WTIP: variants seen among roughly 807,000 people sequenced by gnomAD.
WTIP encodes the protein WT1 interacting protein.
WTIP carries 23 observed loss-of-function variants against 41.7 expected under a neutral mutation model. The ratio of observed to expected loss-of-function variants is 0.55; its 90% CI spans 0.40 to 0.78. The LOEUF (loss-of-function observed/expected upper bound fraction) is 0.78. Ranked by LOEUF, WTIP falls within the 30% of genes least tolerant of loss-of-function variation. WTIP has a pLI of 0.00. For synonymous variants in WTIP, 314 were observed against 269.9 expected (o/e 1.16, Z -1.60); for missense variants, 619 against 610.5 (o/e 1.01, Z -0.15).
intron 1 of WTIP, among the ~76,000 whole-genome samples, chr19:34,486,576 C>G (rs796228976): frequency 7.9e-5 from 12 of 152,242 alleles, no homozygotes; most frequent in African/African-American, 2.9e-4. Context: ...ACTGTGTTAA[C>G]CAGGATGGTC....
chr19:34,491,478 C>A (rs889012943), intron 2 of WTIP, among the ~76,000 whole-genome samples: 1 of 151,826 alleles, frequency 6.6e-6, no homozygotes, highest in Non-Finnish European at 1.5e-5. Flanking sequence ...CACACGCCAC[C>A]ACTCCCAGCT....
chr19:34,490,958 A>T (rs545764909), intron 2 of WTIP, among the ~76,000 whole-genome samples: 1 of 150,956 alleles, frequency 6.6e-6, no homozygotes, highest in South Asian at 2.1e-4. Context: ...AGTAGCTGGG[A>T]TTATAGGCAC....
rs1198210701 is a variant in WTIP at position 34,482,034 on chromosome 19, G to C, written c.60G>C (p.Leu20=). 3.9e-6 allele frequency: 4 copies of C among 1,028,208 alleles called. No individual in the cohort carries two copies. Among genetic ancestry groups the C allele is most frequent in the Non-Finnish European group, 4.7e-6 (4 of 859,178 alleles). The allele number at this position is 1,028,208 out of a possible 1,614,324, so 63.7% of individuals were successfully genotyped here. A position where few individuals can be genotyped will look rare whatever the true frequency, so the allele number is the denominator to read the frequency against. Residue 20 remains leucine, a synonymous_variant, in exon 1 of 8, where the codon CTG becomes CTC. Transcript: ENST00000590071. ...EAALLLAGLA[L]RELEPGCGSP... is the part of the protein sequence containing the mutation. The stretch of plus-strand genomic sequence containing the variant: ...CCCTACTCCTGGCCGGGCTGGCCCT[G>C]CGGGAGCTGGAGCCCGGGTGCGGCT...
At chr19:34,482,684 G>C in intron 1 of WTIP, 43 bp downstream of exon 1, 1 of 1,221,696 alleles carries the variant, frequency 8.2e-7, no homozygotes, top group Non-Finnish European at 1.0e-6. Flanking sequence ...GCATGGCTGG[G>C]GTCCGGGGTT....
chr19:34,483,271 T>A (rs1170184464), intron 1 of WTIP, among the ~76,000 whole-genome samples: 1 of 147,166 alleles, frequency 6.8e-6, no homozygotes, highest in Non-Finnish European at 1.5e-5. Context: ...CGATCCGCCC[T>A]CCTCGGCCTC....
rs2075898367 is a variant in WTIP, at chr19:34,503,579, C to G, written c.*3310C>G. On this transcript the variant is annotated 3_prime_UTR_variant, in exon 8 of 8. Coordinates refer to ENST00000590071, the MANE Select transcript of WTIP (RefSeq NM_001080436.2). ...CCCCCCACCTGCCCAAGGGGACCCC[C>G]ACTGATGTGGTCTCTGCTGACACCT... 1 of 152,850 alleles carries G rather than the reference C, an allele frequency of 6.5e-6. No individual in the cohort carries two copies. The highest frequency in any genetic ancestry group is 1.5e-5 in the Non-Finnish European group (1 of 68,536). 9.5% of individuals were successfully genotyped at this position (152,850 alleles called of 1,614,324 possible). A position where few individuals can be genotyped will look rare whatever the true frequency, so the allele number is the denominator to read the frequency against.
In WTIP at chr19:34,504,383, G is replaced by T. The variant is rs979377162; in HGVS notation, c.*4114G>T. 5 of 151,682 alleles carry T rather than the reference G, an allele frequency of 3.3e-5. No homozygotes were observed. The highest frequency in any genetic ancestry group is 1.2e-4 in the African/African-American group (5 of 40,860). The allele number at this position is 151,682 out of a possible 1,614,324, so 9.4% of individuals were successfully genotyped here. A position where few individuals can be genotyped will look rare whatever the true frequency, so the allele number is the denominator to read the frequency against. On this transcript the variant is annotated 3_prime_UTR_variant, in exon 8 of 8. Transcript: ENST00000590071. ...ACCTCCTGTAAGTGACCACACTGTG[G>T]GGTGTAATTGTGTGTTTGTTTGTGT...
chr19:34,482,831 C>T, intron 1 of WTIP, 190 bp downstream of exon 1: 3 of 971,108 alleles, frequency 3.1e-6, no homozygotes, highest in South Asian at 4.8e-5. Context: ...AGTGAGTGCG[C>T]CTGGATCCCC....
chr19:34,490,411 G>C lies in WTIP; in HGVS notation c.703G>C (p.Ala235Pro). 6.2e-7 allele frequency: 1 copy of C among 1,614,018 alleles called. No homozygotes were observed. Among genetic ancestry groups the C allele is most frequent in the African/African-American group, 1.3e-5 (1 of 75,058 alleles). The change falls in exon 2 of 8, where the codon GCC (alanine) becomes CCC (proline). Residue 235 changes from alanine (A) to proline (P), a missense_variant. This residue lies in a region of WTIP where 164 missense variants were observed against 219.1 expected (regional missense o/e 0.75). Coordinates refer to ENST00000590071, the MANE Select transcript of WTIP (RefSeq NM_001080436.2). ...CIKCGLGIYG[A>P]QQACQAMGSL... Reference sequence around the variant, plus strand: ...CAAGTGTGGGCTTGGCATCTACGGAGCCCAGCAGGCGTGCCAGGCAATGGG... The same window carrying C: ...CAAGTGTGGGCTTGGCATCTACGGACCCCAGCAGGCGTGCCAGGCAATGGG...
At chr19:34,495,953 T>C (rs2075850927) in intron 7 of WTIP, among the ~76,000 whole-genome samples, 182 bp downstream of exon 7, 1 of 152,108 alleles carries the variant, frequency 6.6e-6, no homozygotes, top group Admixed American at 6.5e-5. Context: ...GGTCAGGAGT[T>C]CGAGACCAGC....
intron 1 of WTIP, among the ~76,000 whole-genome samples, chr19:34,487,404 T>G (rs991333703): frequency 4.6e-5 from 7 of 152,206 alleles, no homozygotes; most frequent in Admixed American, 4.6e-4. Flanking sequence ...GCCTGGCCCC[T>G]GCCTGGTTCT....
At position 34,489,197 on chromosome 19, in the gene WTIP, T is replaced by TAA. The variant is rs57433723; in HGVS notation, c.668-1156_668-1155dup. Among the ~76,000 whole-genome samples the TAA allele has an allele frequency of 6.2e-3, 387 of 61,958 alleles. 28 individuals are homozygous for TAA. Among genetic ancestry groups the TAA allele is most frequent in the Middle Eastern group, 0.015 (1 of 66 alleles). 40.6% of individuals were successfully genotyped at this position (61,958 alleles called of 152,430 possible). A position where few individuals can be genotyped will look rare whatever the true frequency, so the allele number is the denominator to read the frequency against. On this transcript the variant is annotated intron_variant, in intron 1 of 7. Transcript: ENST00000590071. ...CTGGGCGACAGAGCGAGACTCTATC[T>TAA]AAAAAAAAAAAAAAAAAAAAAAAAT...
chr19:34,490,444 T>C lies in WTIP; in HGVS notation c.736T>C (p.Tyr246His), dbSNP rs753715500. 1 of 1,613,870 alleles carries C rather than the reference T, an allele frequency of 6.2e-7. No homozygotes were observed. ...GGCGTGCCAGGCAATGGGGAGTCTTTATCACACTGACTGCTTCACCTGCGA... is the reference window on the plus strand; with the variant it reads ...GGCGTGCCAGGCAATGGGGAGTCTTCATCACACTGACTGCTTCACCTGCGA... ...QQACQAMGSLYHTDCFTCDSC... is the reference protein window; with the variant it reads ...QQACQAMGSLHHTDCFTCDSC... Residue 246 changes from tyrosine to histidine, a missense_variant, in exon 2 of 8, where the codon TAT (tyrosine) becomes CAT (histidine). By Grantham distance (83) the Tyr-to-His change is moderately conservative. This residue lies in a region of WTIP where 164 missense variants were observed against 219.1 expected (regional missense o/e 0.75). Coordinates refer to ENST00000590071, the MANE Select transcript of WTIP (RefSeq NM_001080436.2).
At chr19:34,484,591 C>T (rs1335753921) in intron 1 of WTIP, among the ~76,000 whole-genome samples, 2 of 152,086 alleles carry the variant, frequency 1.3e-5, no homozygotes. Context: ...GCATGCTTTC[C>T]AGTGCCCTCT....
At chr19:34,490,098 A>C (rs981013103) in intron 1 of WTIP, among the ~76,000 whole-genome samples, 25 of 152,300 alleles carry the variant, frequency 1.6e-4, no homozygotes, top group Admixed American at 6.5e-4. Flanking sequence ...AACCAAAAGA[A>C]TCTATCAGAA....
Position 34,482,019 on chromosome 19 carries a change from G to T in WTIP, c.45G>T (p.Leu15=), listed in dbSNP as rs1344559874. ...RAGADEAALL[L]AGLALRELEP... is the part of the protein sequence containing the mutation. ...GCGCGGACGAGGCGGCCCTACTCCT[G>T]GCCGGGCTGGCCCTGCGGGAGCTGG... Residue 15 remains leucine (L), a synonymous_variant, in exon 1 of 8, where the codon CTG becomes CTT. Transcript: ENST00000590071. 1 of 1,023,584 alleles carries T rather than the reference G, an allele frequency of 9.8e-7. No individual in the cohort carries two copies. Among genetic ancestry groups the T allele is most frequent in the South Asian group, 4.4e-5 (1 of 22,520 alleles). 63.4% of individuals were successfully genotyped at this position (1,023,584 alleles called of 1,614,324 possible).
At chr19:34,490,092 A>G (rs2075817910) in intron 1 of WTIP, among the ~76,000 whole-genome samples, 1 of 152,206 alleles carries the variant, frequency 6.6e-6, no homozygotes, top group East Asian at 1.9e-4. Context: ...ATCAAAAACC[A>G]AAAGAATCTA....
chr19:34,508,410 G>T lies in WTIP; in HGVS notation c.*8141G>T, dbSNP rs773168930. 1 of 152,026 alleles carries T rather than the reference G, an allele frequency of 6.6e-6. No individual in the cohort carries two copies. Among genetic ancestry groups the T allele is most frequent in the East Asian group, 1.9e-4 (1 of 5,168 alleles). 9.4% of individuals were successfully genotyped at this position (152,026 alleles called of 1,614,324 possible). ...GAAGTTTCAATACTCCCTTAGCCTT[G>T]GTTTGGTCACCAGAAGGAGGGGACA... is the stretch of plus-strand genomic sequence containing the variant. On this transcript the variant is annotated 3_prime_UTR_variant, in exon 8 of 8. Coordinates refer to ENST00000590071, the MANE Select transcript of WTIP (RefSeq NM_001080436.2).
At chr19:34,491,339 T>G (rs936547377) in intron 2 of WTIP, among the ~76,000 whole-genome samples, 12 of 152,058 alleles carry the variant, frequency 7.9e-5, no homozygotes, top group African/African-American at 2.9e-4. Flanking sequence ...TTTATATTTT[T>G]TTTTTGAGAC....
Sources: allele counts gnomAD v4.1 joint callset (sites outside exome capture counted in the v4.1 genomes callset), GRCh38; gene constraint gnomAD v4.1.1; regional missense constraint gnomAD v4.1.1; transcripts MANE v1.5; gene names NCBI Gene and HGNC (gene_info 2026-07-23, HGNC 2026-07-21).